TGIF1: variants seen among roughly 807,000 people sequenced by gnomAD.
TGIF1 encodes the protein homeobox protein TGIF1.
A neutral mutation model predicts 19.3 loss-of-function variants in TGIF1; 4 were observed. That is an observed-to-expected ratio of 0.21 (90% CI 0.10 to 0.47). TGIF1 has a LOEUF of 0.47. Ranked by LOEUF, TGIF1 falls within the 20% of genes least tolerant of loss-of-function variation. The probability of loss-of-function intolerance (pLI) is 0.98; values close to 1 mark genes in which losing one functional copy is unlikely to be tolerated. For missense variants in TGIF1, 275 were observed against 341.4 expected (o/e 0.81, Z 1.53); for synonymous variants, 122 against 129.3 (o/e 0.94, Z 0.38).
rs1397172924 is a variant in TGIF1 at position 3,456,229 on chromosome 18, G to C, written c.17-125G>C. ...CCCTGAATTCAGGACAGAAAACACT[G>C]CTCCTTCTCCTCGCTCTCAGTTGTT... On this transcript the variant is annotated intron_variant, in intron 1 of 2. Coordinates refer to ENST00000343820, the MANE Select transcript of TGIF1 (RefSeq NM_003244.4). This position sits in a 1 kb window ranked among gnomAD's most constrained non-coding sequence, Gnocchi z 4.2. The C allele has an allele frequency of 1.0e-6, 1 of 954,512 alleles. No homozygotes were observed. Among genetic ancestry groups the C allele is most frequent in the South Asian group, 1.3e-5 (1 of 77,162 alleles). The allele number at this position is 954,512 out of a possible 1,614,324, so 59.1% of individuals were successfully genotyped here.
chr18:3,449,538 T>TGGG, upstream of TGIF1: 43 of 961,430 alleles, frequency 4.5e-5, no homozygotes, highest in Non-Finnish European at 5.0e-5. Flanking sequence ...GTCTCATCAT[T>TGGG]CCCCCCCGCC....
At chr18:3,425,939 A>T (rs2082461953) in intron 2 of TGIF1, among the ~76,000 whole-genome samples, 1 of 152,064 alleles carries the variant, frequency 6.6e-6, no homozygotes, top group Non-Finnish European at 1.5e-5. Context: ...TTGGTGTGTC[A>T]GGAAACCCGC....
chr18:3,428,023 A>G (rs993692241), intron 2 of TGIF1, among the ~76,000 whole-genome samples: 1 of 152,230 alleles, frequency 6.6e-6, no homozygotes, highest in Non-Finnish European at 1.5e-5. Flanking sequence ...CATGAGGTTA[A>G]AACTATTTTC....
intron 1 of TGIF1, chr18:3,453,761 T>C (rs938133214): frequency 1.0e-6 from 1 of 983,428 alleles, no homozygotes; most frequent in Non-Finnish European, 1.2e-6. Context: ...TCAGGCCATG[T>C]TGTGGCTTTC....
In TGIF1 at chr18:3,432,031, G is replaced by A. The variant is rs183984861; in HGVS notation, c.-45+13816G>A. 3.5e-3 allele frequency among the ~76,000 whole-genome samples: 528 copies of A among 151,724 alleles called. 5 individuals are homozygous for A. Among genetic ancestry groups the A allele is most frequent in the African/African-American group, 0.013 (516 of 41,272 alleles). ...TAGTCCCAGCTACTTGGGAGGCTGA[G>A]GCAGGAGAATGGCTTGAACCCAGGA... On this transcript the variant is annotated intron_variant, in intron 2 of 3. Transcript: ENST00000401449.
Position 3,456,091 on chromosome 18 carries a change from T to A in TGIF1, c.17-263T>A. The A allele has an allele frequency of 1.9e-6, 1 of 521,380 alleles. No individual in the cohort carries two copies. The highest frequency in any genetic ancestry group is 1.9e-5 in the African/African-American group (1 of 52,502). The allele number at this position is 521,380 out of a possible 1,614,324, so 32.3% of individuals were successfully genotyped here. ...GACGAAAGAGTTTTCTGACCATCAT[T>A]CAAAAGGAATGTGAGAAGTTAATGA... On this transcript the variant is annotated intron_variant, in intron 1 of 2. Coordinates refer to ENST00000343820, the MANE Select transcript of TGIF1 (RefSeq NM_003244.4). This position sits in a 1 kb window ranked among gnomAD's most constrained non-coding sequence, Gnocchi z 4.2.
intron 2 of TGIF1, among the ~76,000 whole-genome samples, chr18:3,426,015 A>G (rs28550836): frequency 0.016 from 2,442 of 151,856 alleles, 71 homozygotes; most frequent in African/African-American, 0.056. Flanking sequence ...ACGTTGTGAG[A>G]GTATAGTAGG....
upstream of TGIF1, among the ~76,000 whole-genome samples, chr18:3,446,665 T>C (rs115526724): frequency 4.6e-3 from 698 of 152,276 alleles, 3 homozygotes; most frequent in African/African-American, 0.016. Context: ...ATTATCCTGA[T>C]GGGGCTGATA....
chr18:3,438,596 A>AACACATACACACACAC (rs2082643836), intron 2 of TGIF1, among the ~76,000 whole-genome samples: 8 of 136,002 alleles, frequency 5.9e-5, no homozygotes, highest in Non-Finnish European at 1.2e-4. Context: ...CATACACACA[A>AACACATACACACACAC]ACACACACAC....
intron 2 of TGIF1, among the ~76,000 whole-genome samples, chr18:3,428,453 G>A (rs1236496762): frequency 6.6e-6 from 1 of 151,054 alleles, no homozygotes; most frequent in East Asian, 1.9e-4. Context: ...AAATTATTTT[G>A]GCCGGGTATG....
intron 2 of TGIF1, among the ~76,000 whole-genome samples, chr18:3,435,984 A>C (rs1411456594): frequency 6.6e-6 from 1 of 151,760 alleles, no homozygotes; most frequent in Non-Finnish European, 1.5e-5. Flanking sequence ...TCTCTCTGCC[A>C]CCTGAGTTTC....
At chr18:3,450,569 C>T (rs1202543943) in intron 1 of TGIF1, 64 bp downstream of exon 1, 2 of 1,549,488 alleles carry the variant, frequency 1.3e-6, no homozygotes, top group African/African-American at 1.4e-5. Flanking sequence ...CTGGCCGGGC[C>T]GCGCCGCGCG....
chr18:3,453,553 G>T (rs2083059780), intron 1 of TGIF1, among the ~76,000 whole-genome samples: 1 of 152,040 alleles, frequency 6.6e-6, no homozygotes, highest in Non-Finnish European at 1.5e-5. Context: ...GGGCGTGGTG[G>T]CTTTTGCCTG....
chr18:3,445,711 A>G (rs1207879180), upstream of TGIF1, among the ~76,000 whole-genome samples: 3 of 134,964 alleles, frequency 2.2e-5, no homozygotes, highest in Non-Finnish European at 4.7e-5. Context: ...GTGACAGAGC[A>G]AGACTCTGTC....
chr18:3,430,399 G>T (rs969124742), intron 2 of TGIF1, among the ~76,000 whole-genome samples: 1 of 152,094 alleles, frequency 6.6e-6, no homozygotes, highest in African/African-American at 2.4e-5. Flanking sequence ...TAATAAAAAT[G>T]TGAAATGTTA....
Position 3,450,474 on chromosome 18 carries a change from G to A in TGIF1, c.-16G>A. ...CAGACCCCCGCCTTGCCTCGCGCTG[G>A]GAGGGGAGATCCAGAATGAAAGGCA... On this transcript the variant is annotated 5_prime_UTR_variant, in exon 1 of 3. Transcript: ENST00000343820. 1 of 1,558,624 alleles carries A rather than the reference G, an allele frequency of 6.4e-7. No homozygotes were observed. Among genetic ancestry groups the A allele is most frequent in the Non-Finnish European group, 8.7e-7 (1 of 1,151,366 alleles).
chr18:3,449,407 T>C (rs2082826755), upstream of TGIF1: 1 of 985,212 alleles, frequency 1.0e-6, no homozygotes, highest in South Asian at 4.7e-5. Context: ...GCAGAGACGT[T>C]TAAAGAGCAT....
chr18:3,450,024 C>A, upstream of TGIF1: 1 of 992,414 alleles, frequency 1.0e-6, no homozygotes, highest in Non-Finnish European at 1.2e-6. Context: ...CCCCGAGGGA[C>A]GAGTGACAGC....
chr18:3,450,283 G>T lies in TGIF1; in HGVS notation c.-207G>T. On this transcript the variant is annotated 5_prime_UTR_variant, in exon 1 of 3. Transcript: ENST00000343820. ...CCCGGCCGGCTGCCAGAAGATCCCGGCGGGAGGAAGCCCAAGTGTCACTTG... is the reference window on the plus strand; with the variant it reads ...CCCGGCCGGCTGCCAGAAGATCCCGTCGGGAGGAAGCCCAAGTGTCACTTG... 1 of 1,436,740 alleles carries T rather than the reference G, an allele frequency of 7.0e-7. No homozygotes were observed. The allele number at this position is 1,436,740 out of a possible 1,614,324, so 89.0% of individuals were successfully genotyped here.
Sources: gnomAD v4.1 joint callset for allele counts (sites outside exome capture counted in the v4.1 genomes callset) on GRCh38, gnomAD v4.1.1 for gene constraint, Gnocchi (gnomAD v3.1) non-coding constraint, MANE v1.5 for transcripts, NCBI Gene and HGNC (gene_info 2026-07-23, HGNC 2026-07-21) for gene names.